The following KIFC3 variants were observed in gnomAD, a reference collection of about 807,000 sequenced individuals.
KIFC3 encodes kinesin-like protein KIFC3.
In KIFC3, 60 loss-of-function variants were observed where a neutral mutation model predicts 101.8. That is an observed-to-expected ratio of 0.59 (90% CI 0.48 to 0.73). KIFC3 has a LOEUF of 0.73. Ranked by LOEUF, KIFC3 falls within the 30% of genes least tolerant of loss-of-function variation. KIFC3 has a pLI of 0.00. For synonymous variants in KIFC3, 476 were observed against 482.7 expected (o/e 0.99, Z 0.18); for missense variants, 966 against 1,137.1 (o/e 0.85, Z 2.16).
chr16:57,855,371 C>G (rs961982409), intron 1 of KIFC3, among the ~76,000 whole-genome samples: 1 of 151,822 alleles, frequency 6.6e-6, no homozygotes. Flanking sequence ...GTGATCTACC[C>G]GCCTTGGCCT....
At chr16:57,759,278 C>A in intron 18 of KIFC3, 125 bp from the exon 19 acceptor site, 1 of 1,176,916 alleles carries the variant, frequency 8.5e-7, no homozygotes, top group East Asian at 2.6e-5. Flanking sequence ...CTGGGCTAAA[C>A]AGGGGCTGGA....
At chr16:57,823,591 G>A (rs1555630215) in intron 1 of KIFC3, among the ~76,000 whole-genome samples, 2 of 152,102 alleles carry the variant, frequency 1.3e-5, no homozygotes, top group Admixed American at 1.3e-4. Flanking sequence ...TGTATGTACT[G>A]TACTCTTAAA....
chr16:57,792,320 T>G (rs1568037678), intron 3 of KIFC3, among the ~76,000 whole-genome samples: 1 of 152,224 alleles, frequency 6.6e-6, no homozygotes, highest in African/African-American at 2.4e-5. Context: ...TCGTGATTAT[T>G]TGGTCACTCT....
intron 9 of KIFC3, among the ~76,000 whole-genome samples, chr16:57,768,063 T>C (rs1185857010): frequency 6.6e-6 from 1 of 152,056 alleles, no homozygotes; most frequent in Non-Finnish European, 1.5e-5. Context: ...CAGTGGCTCA[T>C]GCCGGTAATG....
upstream of KIFC3, chr16:57,803,239 A>G: frequency 1.4e-6 from 1 of 705,096 alleles, no homozygotes; most frequent in Non-Finnish European, 2.6e-6. Flanking sequence ...TGGGGCACCT[A>G]GAGCCTCAGA....
chr16:57,785,535 C>T (rs1256059906), intron 3 of KIFC3: 5 of 1,288,822 alleles, frequency 3.9e-6, no homozygotes, highest in Admixed American at 2.3e-5. Flanking sequence ...TGTAGGACCA[C>T]CAGCTCCTCC....
chr16:57,772,065 G>A (rs1260107132), intron 4 of KIFC3, among the ~76,000 whole-genome samples, 158 bp downstream of exon 4: 1 of 152,088 alleles, frequency 6.6e-6, no homozygotes, highest in African/African-American at 2.4e-5. Context: ...GCCTCTGAGG[G>A]TACTAGGAGG....
intron 1 of KIFC3, among the ~76,000 whole-genome samples, chr16:57,853,408 G>T (rs2056097833): frequency 7.0e-6 from 1 of 143,216 alleles, no homozygotes; most frequent in Non-Finnish European, 1.5e-5. Context: ...GACAGAACAA[G>T]ACTCCATCTC....
Position 57,802,336 on chromosome 16 carries a change from G to C in KIFC3, c.-40+34C>G, listed in dbSNP as rs1483494488. ...CGGGCCGGGCAGAGCCCAGCGCCCC[G>C]CTCGCACCCAGCCCGCCCGGGCCCC... On this transcript the variant is annotated intron_variant, in intron 1 of 19. Transcript: ENST00000445690. The surrounding 1 kb of genome is among the most constrained non-coding windows in gnomAD (Gnocchi z 5.0). 2 of 962,146 alleles carry C rather than the reference G, an allele frequency of 2.1e-6. No homozygotes were observed. The highest frequency in any genetic ancestry group is 1.2e-4 in the Admixed American group (2 of 16,120). 59.6% of individuals were successfully genotyped at this position (962,146 alleles called of 1,614,324 possible).
rs532209905 is a variant in KIFC3 at position 57,850,703 on chromosome 16, C to T, written c.108+12026G>A. ...GTTGGCCAGGCTGGTCTCGAACTCC[C>T]GACCTCAGGTGACCCACCCGCCTCG... On this transcript the variant is annotated intron_variant, in intron 1 of 2. Coordinates refer to the KIFC3 transcript ENST00000563028. Among the ~76,000 whole-genome samples the T allele has an allele frequency of 1.5e-3, 224 of 151,038 alleles. 2 individuals are homozygous for T. The highest frequency in any genetic ancestry group is 5.2e-3 in the African/African-American group (214 of 41,172).
chr16:57,762,432 C>T (rs971100761), intron 12 of KIFC3, among the ~76,000 whole-genome samples, 162 bp from the exon 13 acceptor site: 13 of 152,222 alleles, frequency 8.5e-5, no homozygotes, highest in Non-Finnish European at 1.6e-4. Flanking sequence ...CCACCAGCTG[C>T]GGGCAACTGC....
Position 57,758,517 on chromosome 16 carries a change from G to A in KIFC3, c.*417C>T, listed in dbSNP as rs1555590582. 3.9e-6 allele frequency: 2 copies of A among 515,170 alleles called. No homozygotes were observed. The highest frequency in any genetic ancestry group is 1.9e-5 in the African/African-American group (1 of 52,694). The allele number at this position is 515,170 out of a possible 1,614,324, so 31.9% of individuals were successfully genotyped here. On this transcript the variant is annotated 3_prime_UTR_variant, in exon 20 of 20. Transcript: ENST00000445690. ...CCCAGTCCCCATGGTTCTTGGGTCTGCCCAGAGGCTCCTCGCCCACCCCCT... is the reference window on the plus strand; with the variant it reads ...CCCAGTCCCCATGGTTCTTGGGTCTACCCAGAGGCTCCTCGCCCACCCCCT...
intron 1 of KIFC3, chr16:57,815,336 C>T: frequency 5.3e-6 from 4 of 757,722 alleles, no homozygotes; most frequent in South Asian, 4.7e-5. Flanking sequence ...AGAGTAGCTC[C>T]GGGTTGCTTC....
At chr16:57,859,926 G>C (rs2056257142) in intron 1 of KIFC3, among the ~76,000 whole-genome samples, 1 of 151,674 alleles carries the variant, frequency 6.6e-6, no homozygotes, top group African/African-American at 2.4e-5. Flanking sequence ...GGAGGCTGAG[G>C]AGGAAAGATG....
In KIFC3 at chr16:57,798,247, C is replaced by G. The variant is rs1555624081; in HGVS notation, c.-4G>C. The G allele has an allele frequency of 1.3e-6, 2 of 1,552,198 alleles. No homozygotes were observed. The highest frequency in any genetic ancestry group is 1.7e-6 in the Non-Finnish European group (2 of 1,148,670). On this transcript the variant is annotated 5_prime_UTR_variant, in exon 2 of 20. Coordinates refer to ENST00000445690, the MANE Select transcript of KIFC3 (RefSeq NM_001130100.2). ...ACGTCCTGCGAGAGGGGACCATGGC[C>G]TGGGGCTCAGCAGCCTCCTCGGGGC...
intron 3 of KIFC3, chr16:57,782,261 G>T: frequency 5.4e-6 from 3 of 551,642 alleles, no homozygotes; most frequent in Non-Finnish European, 6.9e-6. Flanking sequence ...GGAAGTGAAG[G>T]CTCAGAGAGG....
intron 1 of KIFC3, among the ~76,000 whole-genome samples, chr16:57,843,513 G>A (rs1186481660): frequency 1.3e-5 from 2 of 152,114 alleles, no homozygotes; most frequent in Admixed American, 6.5e-5. Context: ...TGCCCTGGCT[G>A]CATAGACACT....
chr16:57,766,972 A>G lies in KIFC3; in HGVS notation c.1232T>C (p.Ile411Thr). ...RSVKAEIGQA[I>T]EEVNSNNQEL... ...CTGGTTGTTGCTGTTGACCTCCTCG[A>G]TGGCCTGGCCTATCTGGTGGGGGGT... Residue 411 changes from isoleucine (I) to threonine (T), a missense_variant, in exon 10 of 20, where the codon ATC becomes ACC. By Grantham distance (89) the Ile-to-Thr change is moderately conservative. Around this residue, in one of 2 missense-constraint regions of KIFC3, gnomAD observed 689 missense variants for 884.6 expected, o/e 0.78. Transcript: ENST00000445690. 1.2e-6 allele frequency: 2 copies of G among 1,613,052 alleles called. No homozygotes were observed. The highest frequency in any genetic ancestry group is 1.7e-6 in the Non-Finnish European group (2 of 1,179,896).
upstream of KIFC3, chr16:57,807,942 A>AAAAC: frequency 3.0e-5 from 4 of 131,920 alleles, no homozygotes; most frequent in African/African-American, 1.6e-4. Flanking sequence ...AAAAAAAAAA[A>AAAAC]AAAAAAAAAA....
Sources: allele counts gnomAD v4.1 joint callset (sites outside exome capture counted in the v4.1 genomes callset), GRCh38; gene constraint gnomAD v4.1.1; regional missense constraint gnomAD v4.1.1; non-coding constraint Gnocchi (gnomAD v3.1); transcripts MANE v1.5; gene names NCBI Gene and HGNC (gene_info 2026-07-23, HGNC 2026-07-21).